The following RCBTB1 variants were observed in gnomAD, a reference collection of about 807,000 sequenced individuals.
The protein encoded by RCBTB1 is RCC1 and BTB domain containing protein 1.
Under a neutral mutation model 62.4 loss-of-function variants are expected in RCBTB1, and 46 were observed. The observed-to-expected ratio is 0.74, with a 90% CI of 0.58 to 0.94. The LOEUF (loss-of-function observed/expected upper bound fraction) is 0.94, where lower values mean the gene tolerates loss of function less well. RCBTB1 is among the 40% of genes least tolerant of loss of function. The pLI, the probability that RCBTB1 is intolerant of heterozygous loss-of-function variation, is 0.00. For synonymous variants in RCBTB1, 222 were observed against 245.8 expected, an observed-to-expected ratio of 0.90 and a Z score of 0.91; for missense variants, 565 against 654.9, an observed-to-expected ratio of 0.86 and a Z score of 1.50.
intron 4 of RCBTB1, among the ~76,000 whole-genome samples, chr13:49,564,428 T>C (rs1300538099): frequency 6.7e-6 from 1 of 149,598 alleles, no homozygotes; most frequent in African/African-American, 2.5e-5. Context: ...CTACTAAAAG[T>C]ACAAAAATTA....
intron 8 of RCBTB1, 147 bp downstream of exon 8, chr13:49,551,179 A>G (rs1961306574): frequency 2.6e-6 from 2 of 775,508 alleles, no homozygotes; most frequent in Non-Finnish European, 3.9e-6. Context: ...AGGAAGGGGG[A>G]AGGGAGAAGG....
chr13:49,541,873 A>T (rs1373169865), intron 10 of RCBTB1, 46 bp from the exon 11 acceptor site: 12 of 1,541,832 alleles, frequency 7.8e-6, no homozygotes, highest in African/African-American at 1.4e-5. Context: ...AGCAATTTTT[A>T]AAAAAGAAAA....
intron 5 of RCBTB1, among the ~76,000 whole-genome samples, chr13:49,557,776 T>A (rs1028774406): frequency 3.9e-5 from 6 of 152,096 alleles, no homozygotes; most frequent in Admixed American, 2.0e-4. Context: ...ATTTTTTTTT[T>A]AAAAGAATGA....
intron 6 of RCBTB1, among the ~76,000 whole-genome samples, chr13:49,553,147 A>T (rs1281235415): frequency 6.6e-6 from 1 of 152,132 alleles, no homozygotes; most frequent in Admixed American, 6.5e-5. Flanking sequence ...GTGCTACCGT[A>T]CTCCAGCCTG....
intron 1 of RCBTB1, among the ~76,000 whole-genome samples, chr13:49,581,963 A>G (rs759625723): frequency 1.2e-4 from 18 of 152,272 alleles, no homozygotes; most frequent in Admixed American, 3.9e-4. Context: ...GAGTATAAAC[A>G]ACTTGTTCAA....
intron 6 of RCBTB1, among the ~76,000 whole-genome samples, chr13:49,552,952 C>T (rs953100450): frequency 6.6e-6 from 1 of 152,044 alleles, no homozygotes; most frequent in Admixed American, 6.6e-5. Context: ...GGAAGGCCAG[C>T]GTGGGCAGAT....
intron 4 of RCBTB1, among the ~76,000 whole-genome samples, chr13:49,560,700 T>G (rs1962368354): frequency 6.6e-6 from 1 of 152,300 alleles, no homozygotes; most frequent in African/African-American, 2.4e-5. Context: ...TGAAGATGGC[T>G]TGTCTTTGCT....
chr13:49,559,540 C>T (rs1164705620), intron 5 of RCBTB1, among the ~76,000 whole-genome samples: 1 of 151,070 alleles, frequency 6.6e-6, no homozygotes, highest in Admixed American at 6.6e-5. Flanking sequence ...CCTGTAGTCC[C>T]AGCTACTTGG....
At chr13:49,573,841 T>A (rs1963582719) in intron 2 of RCBTB1, among the ~76,000 whole-genome samples, 1 of 148,688 alleles carries the variant, frequency 6.7e-6, no homozygotes, top group Admixed American at 6.8e-5. Flanking sequence ...TGGAGTACAC[T>A]GGCACCATCT....
chr13:49,559,058 A>G (rs965920359), intron 5 of RCBTB1, among the ~76,000 whole-genome samples: 3 of 152,226 alleles, frequency 2.0e-5, no homozygotes, highest in African/African-American at 7.2e-5. Flanking sequence ...GAAATATACC[A>G]TAGGAACTTA....
chr13:49,567,064 C>G (rs1229443323), intron 3 of RCBTB1, 90 bp downstream of exon 3: 1 of 1,224,094 alleles, frequency 8.2e-7, no homozygotes, highest in Non-Finnish European at 1.2e-6. Flanking sequence ...TTATTTATAC[C>G]CCGCCTTTTC....
At chr13:49,537,427 C>T (rs894759345) in intron 12 of RCBTB1, among the ~76,000 whole-genome samples, 1 of 152,054 alleles carries the variant, frequency 6.6e-6, no homozygotes, top group African/African-American at 2.4e-5. Flanking sequence ...TTTGGCCCAC[C>T]AAAAGAAGAA....
intron 2 of RCBTB1, among the ~76,000 whole-genome samples, chr13:49,568,625 G>A (rs74435421): frequency 1.4e-3 from 181 of 133,684 alleles, no homozygotes; most frequent in African/African-American, 5.1e-3. Context: ...GGAGTTGGAT[G>A]TCACTTAAAA....
At chr13:49,576,179 A>C (rs1290492874) in intron 2 of RCBTB1, among the ~76,000 whole-genome samples, 1 of 63,042 alleles carries the variant, frequency 1.6e-5, no homozygotes, top group Non-Finnish European at 4.5e-5. Context: ...AGGCGTCGCA[A>C]AAAAAAAAAA....
At chr13:49,548,833 G>A (rs753045254) in intron 9 of RCBTB1, among the ~76,000 whole-genome samples, 18 of 149,536 alleles carry the variant, frequency 1.2e-4, no homozygotes, top group Non-Finnish European at 2.2e-4. Flanking sequence ...ACGTATAAGG[G>A]CTTTCTTCTG....
intron 12 of RCBTB1, among the ~76,000 whole-genome samples, chr13:49,535,627 C>CCT (rs1959880478): frequency 1.3e-5 from 2 of 152,134 alleles, no homozygotes; most frequent in Non-Finnish European, 2.9e-5. Flanking sequence ...TCAGCACAGA[C>CCT]CTCTGCAAAC....
chr13:49,577,070 A>G (rs901290375), intron 2 of RCBTB1, among the ~76,000 whole-genome samples: 1 of 152,224 alleles, frequency 6.6e-6, no homozygotes, highest in Non-Finnish European at 1.5e-5. Flanking sequence ...GGGATGGCTT[A>G]TCCTAGCTAT....
chr13:49,558,322 A>G (rs1962116444), intron 5 of RCBTB1, among the ~76,000 whole-genome samples: 1 of 152,240 alleles, frequency 6.6e-6, no homozygotes, highest in Non-Finnish European at 1.5e-5. Context: ...CTGTGGCCAC[A>G]TGCAACCCTG....
intron 4 of RCBTB1, among the ~76,000 whole-genome samples, chr13:49,561,518 T>C (rs916827527): frequency 6.6e-6 from 1 of 152,166 alleles, no homozygotes; most frequent in African/African-American, 2.4e-5. Flanking sequence ...GTGAAAGAAA[T>C]GTCCAAACTA....
Sources: gnomAD v4.1 joint callset for allele counts (sites outside exome capture counted in the v4.1 genomes callset) on GRCh38, gnomAD v4.1.1 for gene constraint, MANE v1.5 for transcripts, NCBI Gene and HGNC (gene_info 2026-07-23, HGNC 2026-07-21) for gene names.